ZC2HC1C: variants seen among roughly 807,000 people sequenced by gnomAD.
The protein encoded by ZC2HC1C is zinc finger C2HC-type containing 1C, also known as zinc finger C2HC domain-containing protein 1C.
Under a neutral mutation model 39.2 loss-of-function variants are expected in ZC2HC1C, and 25 were observed. That is an observed-to-expected ratio of 0.64 (90% CI 0.47 to 0.89). The LOEUF (loss-of-function observed/expected upper bound fraction) is 0.89. Among genes scored for constraint, ZC2HC1C ranks in the 40% least tolerant of loss-of-function variants. ZC2HC1C has a pLI of 0.00. For missense variants in ZC2HC1C, 519 were observed against 548.6 expected (o/e 0.95, Z 0.54); for synonymous variants, 209 against 214.4 (o/e 0.97, Z 0.22).
At chr14:75,073,902 C>A (rs1404549449) in intron 2 of ZC2HC1C, among the ~76,000 whole-genome samples, 1 of 152,062 alleles carries the variant, frequency 6.6e-6, no homozygotes, top group Non-Finnish European at 1.5e-5. Context: ...TGATCAAATT[C>A]TTTTTTTGAG....
intron 2 of ZC2HC1C, 97 bp downstream of exon 2, chr14:75,072,008 G>A: frequency 6.8e-7 from 1 of 1,475,094 alleles, no homozygotes; most frequent in African/African-American, 1.4e-5. Flanking sequence ...CATGTGTCAT[G>A]TAGGAAGAAT....
rs1294060180 is a variant in ZC2HC1C, at chr14:75,071,358, A to T, written c.785A>T (p.Glu262Val). 3.7e-6 allele frequency: 6 copies of T among 1,613,990 alleles called. No individual in the cohort carries two copies. Reference protein sequence around the residue: ...KEQAKENENGELQKIILPRSR... With the variant: ...KEQAKENENGVLQKIILPRSR... The stretch of plus-strand genomic sequence containing the variant: ...CAGGCCAAGGAAAATGAAAACGGAG[A>T]GCTACAGAAAATTATACTCCCCAGG... Residue 262 changes from glutamate to valine, a missense_variant, in exon 2 of 3, where the codon GAG (glutamate) becomes GTG (valine). Transcript: ENST00000524913.
Position 75,071,322 on chromosome 14 carries a change from C to A in ZC2HC1C, c.749C>A (p.Thr250Lys), listed in dbSNP as rs750135264. ...KTEEELRRIQ[T>K]QKEQAKENEN... ...GAGGAGGAACTCAGAAGGATCCAGA[C>A]GCAAAAGGAACAGGCCAAGGAAAAT... Residue 250 changes from threonine (T) to lysine (K), a missense_variant, in exon 2 of 3, where the codon ACG becomes AAG. By Grantham distance (78) the Thr-to-Lys change is moderately conservative. Coordinates refer to ENST00000524913, the MANE Select transcript of ZC2HC1C (RefSeq NM_024643.4). 6.2e-7 allele frequency: 1 copy of A among 1,613,996 alleles called. No homozygotes were observed. The highest frequency in any genetic ancestry group is 1.1e-5 in the South Asian group (1 of 91,072).
chr14:75,070,184 C>T (rs999833990), intron 1 of ZC2HC1C, among the ~76,000 whole-genome samples: 3 of 152,106 alleles, frequency 2.0e-5, no homozygotes, highest in Admixed American at 2.0e-4. Context: ...GGGGAAGAAA[C>T]GGGGGCCAGC....
At chr14:75,074,860 C>T (rs1416817129) in intron 2 of ZC2HC1C, among the ~76,000 whole-genome samples, 13 of 152,196 alleles carry the variant, frequency 8.5e-5, no homozygotes, top group African/African-American at 1.2e-4. Flanking sequence ...GCGTGAGCCA[C>T]GGTGCCTGTT....
intron 2 of ZC2HC1C, among the ~76,000 whole-genome samples, chr14:75,073,863 G>A (rs1893539454): frequency 6.6e-6 from 1 of 152,160 alleles, no homozygotes; most frequent in Admixed American, 6.5e-5. Flanking sequence ...ACTTTCCCCT[G>A]ATCAAATTCT....
chr14:75,079,810 T>G lies in ZC2HC1C; in HGVS notation c.*2246T>G, dbSNP rs1893815666. ...AGTCTCACTTGGCCTGCTTCACTTC[T>G]TTACCTTATCTGCCTGGTACCACAG... On this transcript the variant is annotated 3_prime_UTR_variant, in exon 3 of 3. Transcript: ENST00000524913. The G allele has an allele frequency of 6.6e-6, 1 of 152,182 alleles. No homozygotes were observed. Among genetic ancestry groups the G allele is most frequent in the South Asian group, 2.1e-4 (1 of 4,822 alleles). 9.4% of individuals were successfully genotyped at this position (152,182 alleles called of 1,614,324 possible).
chr14:75,077,484 A>G lies in ZC2HC1C; in HGVS notation c.1339-48A>G, dbSNP rs763072506. The G allele has an allele frequency of 5.6e-6, 9 of 1,611,900 alleles. No individual in the cohort carries two copies. The African/African-American group carries it at 1.2e-4, about 22-fold the overall frequency. On this transcript the variant is annotated intron_variant, in intron 2 of 2. Transcript: ENST00000524913. ...CTGTTATTCTACAAGAGACTCAGGA[A>G]GGAGATAGGTGCCAACTTGAATGAT...
At position 75,071,260 on chromosome 14, in the gene ZC2HC1C, A is replaced by C. The variant is rs1193783418; in HGVS notation, c.687A>C (p.Arg229Ser). 6.2e-7 allele frequency: 1 copy of C among 1,614,086 alleles called. No individual in the cohort carries two copies. The highest frequency in any genetic ancestry group is 8.5e-7 in the Non-Finnish European group (1 of 1,180,054). Residue 229 changes from arginine (R) to serine (S), a missense_variant, in exon 2 of 3, where the codon AGA becomes AGC. Arg to Ser is a moderately radical substitution (Grantham distance 110). Transcript: ENST00000524913. ...AGAGCTTAGAGGAGGAAATCCGAAG[A>C]AAGCAGATTCTCCTGAGGGGAAAGC... ...AGESLEEEIRRKQILLRGKLK... is the reference protein window; with the variant it reads ...AGESLEEEIRSKQILLRGKLK...
chr14:75,071,671 A>G lies in ZC2HC1C; in HGVS notation c.1098A>G (p.Arg366=). 1 of 1,614,202 alleles carries G rather than the reference A, an allele frequency of 6.2e-7. No individual in the cohort carries two copies. Among genetic ancestry groups the G allele is most frequent in the Non-Finnish European group, 8.5e-7 (1 of 1,180,024 alleles). Residue 366 remains arginine, a synonymous_variant, in exon 2 of 3, where the codon AGA becomes AGG. Transcript: ENST00000524913. ...TCGGTGCTTTGCAGGGATCCGCCAG[A>G]AATTCCAGCCTGTCCATGGCACCAG... ...TPVGALQGSA[R]NSSLSMAPDS... is the part of the protein sequence containing the mutation.
At chr14:75,073,998 C>T (rs956306484) in intron 2 of ZC2HC1C, among the ~76,000 whole-genome samples, 1 of 152,052 alleles carries the variant, frequency 6.6e-6, no homozygotes, top group African/African-American at 2.4e-5. Context: ...GCAGCCTCCA[C>T]CTACCGGGTT....
At chr14:75,076,420 CA>C (rs199904687) in intron 2 of ZC2HC1C, among the ~76,000 whole-genome samples, 1,969 of 152,202 alleles carry the variant, frequency 0.013, 48 homozygotes, top group African/African-American at 0.045. Context: ...AGGCGTGTGC[CA>C]CCACGCCCAG....
chr14:75,070,647 C>T lies in ZC2HC1C; in HGVS notation c.74C>T (p.Pro25Leu), dbSNP rs201224540. Reference protein sequence around the residue: ...VMLPHNTTEAPGPHSAKQDSY... With the variant: ...VMLPHNTTEALGPHSAKQDSY... ...CTCCCACATAATACAACGGAAGCTCCAGGGCCCCACTCAGCCAAGCAAGAC... is the reference window on the plus strand; with the variant it reads ...CTCCCACATAATACAACGGAAGCTCTAGGGCCCCACTCAGCCAAGCAAGAC... Residue 25 changes from proline (P) to leucine (L), a missense_variant, in exon 2 of 3, where the codon CCA (proline) becomes CTA (leucine). Coordinates refer to ENST00000524913, the MANE Select transcript of ZC2HC1C (RefSeq NM_024643.4). 1 of 1,614,086 alleles carries T rather than the reference C, an allele frequency of 6.2e-7. No homozygotes were observed. The highest frequency in any genetic ancestry group is 1.3e-5 in the African/African-American group (1 of 74,928).
At chr14:75,074,975 T>C (rs1444007016) in intron 2 of ZC2HC1C, among the ~76,000 whole-genome samples, 15 of 152,218 alleles carry the variant, frequency 9.9e-5, no homozygotes, top group Non-Finnish European at 1.9e-4. Context: ...CGAATCACAA[T>C]TTTTGGTTAA....
chr14:75,074,044 G>A (rs1304290201), intron 2 of ZC2HC1C, among the ~76,000 whole-genome samples: 6 of 152,056 alleles, frequency 3.9e-5, no homozygotes, highest in African/African-American at 1.4e-4. Context: ...TGAGTAGCTG[G>A]GATTACAGGT....
chr14:75,071,898 C>G lies in ZC2HC1C; in HGVS notation c.1325C>G (p.Pro442Arg). 1 of 1,591,256 alleles carries G rather than the reference C, an allele frequency of 6.3e-7. No homozygotes were observed. The highest frequency in any genetic ancestry group is 8.5e-7 in the Non-Finnish European group (1 of 1,169,594). The change falls in exon 2 of 3, where the codon CCA (proline) becomes CGA (arginine). Residue 442 changes from proline (P) to arginine (R), a missense_variant. Transcript: ENST00000524913. Reference protein sequence around the residue: ...ELEQYLNWKGPASAKAEPPQK... With the variant: ...ELEQYLNWKGRASAKAEPPQK... The stretch of plus-strand genomic sequence containing the variant: ...GAGCAGTACTTGAACTGGAAGGGGC[C>G]AGCTTCAGCCAAGGTAACAAGAGCC...
At chr14:75,070,187 G>C (rs1377164790) in intron 1 of ZC2HC1C, among the ~76,000 whole-genome samples, 1 of 152,160 alleles carries the variant, frequency 6.6e-6, no homozygotes, top group Non-Finnish European at 1.5e-5. Context: ...GAAGAAACGG[G>C]GGCCAGCAAG....
In ZC2HC1C at chr14:75,071,089, G is replaced by A. The variant is rs1043549705; in HGVS notation, c.516G>A (p.Glu172=). The A allele has an allele frequency of 6.2e-7, 1 of 1,614,214 alleles. No individual in the cohort carries two copies. Among genetic ancestry groups the A allele is most frequent in the East Asian group, 2.2e-5 (1 of 44,886 alleles). ...ACCCAAGGCCCCCTGAGCCGAGAGA[G>A]TTTTCATCTAGGAACTTTGGTGTGA... ...NVYPRPPEPR[E]FSSRNFGVRN... Residue 172 remains glutamate (E), a synonymous_variant, in exon 2 of 3, where the codon GAG becomes GAA. Coordinates refer to ENST00000524913, the MANE Select transcript of ZC2HC1C (RefSeq NM_024643.4).
At chr14:75,075,679 T>C (rs1893635440) in intron 2 of ZC2HC1C, among the ~76,000 whole-genome samples, 1 of 152,230 alleles carries the variant, frequency 6.6e-6, no homozygotes, top group Non-Finnish European at 1.5e-5. Flanking sequence ...TTTACAATAA[T>C]TGTGCTAGAT....
Sources: allele counts gnomAD v4.1 joint callset (sites outside exome capture counted in the v4.1 genomes callset), GRCh38; gene constraint gnomAD v4.1.1; transcripts MANE v1.5; gene names NCBI Gene and HGNC (gene_info 2026-07-23, HGNC 2026-07-21).